The following RAC1 variants were observed in gnomAD, a reference collection of about 807,000 sequenced individuals.
RAC1 encodes ras-related C3 botulinum toxin substrate 1.
Under a neutral mutation model 25.2 loss-of-function variants are expected in RAC1, and 2 were observed. That is an observed-to-expected ratio of 0.08 (90% confidence interval 0.03 to 0.25). The LOEUF is 0.25. Among genes scored for constraint, RAC1 ranks in the 10% least tolerant of loss-of-function variants. The probability of loss-of-function intolerance (pLI) is 1.00; values close to 1 mark genes in which losing one functional copy is unlikely to be tolerated. For missense variants in RAC1, 50 were observed against 235.7 expected, an observed-to-expected ratio of 0.21 and a Z score of 5.16; for synonymous variants, 88 against 94.0, an observed-to-expected ratio of 0.94 and a Z score of 0.37.
Position 6,386,389 on chromosome 7 carries a change from G to T in RAC1, c.36-823G>T, listed in dbSNP as rs34483484. On this transcript the variant is annotated intron_variant, in intron 1 of 5. Transcript: ENST00000348035. The stretch of plus-strand genomic sequence containing the variant: ...ACAGTCATTGCTGATTGCCATAGGG[G>T]AGGCTGTAGGGATGTGGTGGGATTT... Among the ~76,000 whole-genome samples, 423 of 152,304 alleles carry T rather than the reference G, an allele frequency of 2.8e-3. 2 individuals are homozygous for T. The highest frequency in any genetic ancestry group is 0.01 in the Middle Eastern group (3 of 294).
Position 6,388,346 on chromosome 7 carries a change from C to CTTTTTTTT in RAC1, c.107+1074_107+1081dup, listed in dbSNP as rs71008389. Among the ~76,000 whole-genome samples, 299 of 121,698 alleles carry CTTTTTTTT rather than the reference C, an allele frequency of 2.5e-3. 1 individual carries two copies. The highest frequency in any genetic ancestry group is 4.6e-3 in the Non-Finnish European group (269 of 59,116). 79.8% of individuals were successfully genotyped at this position (121,698 alleles called of 152,430 possible). On this transcript the variant is annotated intron_variant, in intron 2 of 5. Transcript: ENST00000348035. The stretch of plus-strand genomic sequence containing the variant: ...TTTTGTTGTTGTTGTTGTTGTTTTC[C>CTTTTTTTT]TTTTTTTTTTTTTTTTTTGGAGTTA...
Position 6,375,002 on chromosome 7 carries a change from C to T in RAC1, c.35+232C>T, listed in dbSNP as rs962322085. The stretch of plus-strand genomic sequence containing the variant: ...GATGGAGGAGGGCCTCGCCGCTCGC[C>T]GGCTAGAGGGAAAAGTGAACTCCAC... On this transcript the variant is annotated intron_variant, in intron 1 of 5. Coordinates refer to ENST00000348035, the MANE Select transcript of RAC1 (RefSeq NM_006908.5). 4.6e-4 allele frequency among the ~76,000 whole-genome samples: 70 copies of T among 152,020 alleles called. 1 individual carries two copies. Among genetic ancestry groups the T allele is most frequent in the Admixed American group, 3.5e-3 (54 of 15,268 alleles).
intron 2 of RAC1, among the ~76,000 whole-genome samples, chr7:6,391,288 T>C (rs1020867239): frequency 3.3e-5 from 5 of 152,146 alleles, no homozygotes; most frequent in African/African-American, 1.2e-4. Flanking sequence ...GCTTGGTTTC[T>C]GCTGACCAGT....
chr7:6,383,819 T>TTTTTTTTTG (rs1782842649), intron 1 of RAC1, among the ~76,000 whole-genome samples: 1 of 115,530 alleles, frequency 8.7e-6, no homozygotes, highest in Non-Finnish European at 1.7e-5. Flanking sequence ...TTTTTTTTTT[T>TTTTTTTTTG]GAGACGGAGT....
At chr7:6,383,826 G>A (rs1384480032) in intron 1 of RAC1, among the ~76,000 whole-genome samples, 1 of 69,320 alleles carries the variant, frequency 1.4e-5, no homozygotes, top group Non-Finnish European at 2.5e-5. Context: ...TTTTGAGACG[G>A]AGTTTTGCTC....
intron 3 of RAC1, chr7:6,398,576 C>A: frequency 8.2e-7 from 1 of 1,213,006 alleles, no homozygotes; most frequent in Non-Finnish European, 1.2e-6. Flanking sequence ...AGACAAAATT[C>A]TAATAAAGAA....
In RAC1 at chr7:6,384,638, T is replaced by C. The variant is rs375604068; in HGVS notation, c.36-2574T>C. Among the ~76,000 whole-genome samples the C allele has an allele frequency of 3.3e-5, 5 of 152,150 alleles. No homozygotes were observed. In the East Asian group the frequency reaches 9.7e-4, roughly 29 times the overall value. ...GACTACAGGCAAGAGCCACCACTTA[T>C]TTTTGAATTTTTTGTGGAAACAAGG... On this transcript the variant is annotated intron_variant, in intron 1 of 5. Transcript: ENST00000348035.
intron 1 of RAC1, among the ~76,000 whole-genome samples, chr7:6,375,506 C>G (rs1335120397): frequency 6.6e-6 from 1 of 152,084 alleles, no homozygotes; most frequent in African/African-American, 2.4e-5. Context: ...GGGGTGACAC[C>G]GCGCCCGGCC....
Position 6,402,536 on chromosome 7 carries a change from A to AACC in RAC1, c.*92_*93insCAC. 1 of 947,914 alleles carries AACC rather than the reference A, an allele frequency of 1.1e-6. No individual in the cohort carries two copies. The allele number at this position is 947,914 out of a possible 1,614,324, so 58.7% of individuals were successfully genotyped here. ...ACAAAAAAAAAAAACAAAAAAAAAA[A>AACC]ACAACGGTGGAGCCTTCGCACTCAA... On this transcript the variant is annotated 3_prime_UTR_variant, in exon 6 of 6. Transcript: ENST00000348035.
intron 3 of RAC1, among the ~76,000 whole-genome samples, chr7:6,395,454 C>T (rs917675350): frequency 6.6e-6 from 1 of 152,198 alleles, no homozygotes; most frequent in Non-Finnish European, 1.5e-5. Context: ...TGTTACTCTT[C>T]GCCGCGAGGG....
intron 3 of RAC1, among the ~76,000 whole-genome samples, chr7:6,395,955 C>T (rs969118273): frequency 6.6e-6 from 1 of 152,192 alleles, no homozygotes; most frequent in Non-Finnish European, 1.5e-5. Flanking sequence ...GGAAAGTGGA[C>T]CCATCTGTTG....
At chr7:6,394,627 C>T (rs942012749) in intron 3 of RAC1, among the ~76,000 whole-genome samples, 1 of 152,124 alleles carries the variant, frequency 6.6e-6, no homozygotes, top group South Asian at 2.1e-4. Flanking sequence ...TCAGCCAGGA[C>T]CCCAGTGCGT....
chr7:6,398,999 T>C (rs919115108), intron 3 of RAC1, among the ~76,000 whole-genome samples: 1 of 152,178 alleles, frequency 6.6e-6, no homozygotes, highest in African/African-American at 2.4e-5. Context: ...GATGCAGATA[T>C]GGAGACTCCT....
intron 1 of RAC1, among the ~76,000 whole-genome samples, chr7:6,380,907 T>C (rs938560295): frequency 1.3e-5 from 2 of 152,182 alleles, no homozygotes; most frequent in Admixed American, 6.6e-5. Flanking sequence ...CTTGCTCTGT[T>C]GCCCAGGCTG....
chr7:6,399,063 C>A (rs752844638), intron 3 of RAC1, among the ~76,000 whole-genome samples: 1 of 152,022 alleles, frequency 6.6e-6, no homozygotes, highest in Admixed American at 6.6e-5. Context: ...ACCTTGTTGC[C>A]GGGGCCTTCT....
At chr7:6,382,119 G>A (rs1177626505) in intron 1 of RAC1, among the ~76,000 whole-genome samples, 1 of 151,988 alleles carries the variant, frequency 6.6e-6, no homozygotes, top group African/African-American at 2.4e-5. Flanking sequence ...TCAGCCTCCT[G>A]AGTAGCTGGG....
chr7:6,381,837 C>T (rs1431445774), intron 1 of RAC1, among the ~76,000 whole-genome samples: 6 of 152,132 alleles, frequency 3.9e-5, no homozygotes, highest in Admixed American at 1.3e-4. Flanking sequence ...GCATAGTTAA[C>T]GCAGTTATAT....
intron 3 of RAC1, among the ~76,000 whole-genome samples, chr7:6,395,488 G>A (rs1472091690): frequency 6.6e-6 from 1 of 152,196 alleles, no homozygotes; most frequent in African/African-American, 2.4e-5. Flanking sequence ...GGGACTGTGG[G>A]AATTCGGCCC....
intron 2 of RAC1, among the ~76,000 whole-genome samples, chr7:6,388,108 C>G (rs916008413): frequency 6.6e-6 from 1 of 152,020 alleles, no homozygotes; most frequent in Non-Finnish European, 1.5e-5. Flanking sequence ...TGCTTACTCC[C>G]TATAGGCAGC....
Sources: gnomAD v4.1 joint callset for allele counts (sites outside exome capture counted in the v4.1 genomes callset) on GRCh38, gnomAD v4.1.1 for gene constraint, MANE v1.5 for transcripts, NCBI Gene and HGNC (gene_info 2026-07-23, HGNC 2026-07-21) for gene names.